RASSF8: variants seen among roughly 807,000 people sequenced by gnomAD.
RASSF8 encodes ras association domain-containing protein 8.
In RASSF8, 22 loss-of-function variants were observed where a neutral mutation model predicts 48.5. That is an observed-to-expected ratio of 0.45 (90% CI 0.32 to 0.65). RASSF8 has a LOEUF of 0.65. Ranked by LOEUF, RASSF8 falls within the 30% of genes least tolerant of loss-of-function variation. The pLI is 0.03. For synonymous variants in RASSF8, 127 were observed against 171.5 expected (o/e 0.74, Z 2.03); for missense variants, 418 against 489.2 (o/e 0.85, Z 1.37).
chr12:26,024,953 C>T (rs547749318), intron 2 of RASSF8, among the ~76,000 whole-genome samples: 3 of 151,118 alleles, frequency 2.0e-5, no homozygotes, highest in Admixed American at 6.6e-5. Context: ...AGCGAGACTC[C>T]GTCTCAAAAA....
intron 1 of RASSF8, among the ~76,000 whole-genome samples, chr12:25,968,709 T>C (rs1300942884): frequency 6.6e-6 from 1 of 152,194 alleles, no homozygotes; most frequent in Non-Finnish European, 1.5e-5. Context: ...AATGAGGATA[T>C]AGCAGAGAGT....
chr12:25,996,942 C>T (rs1279574245), intron 2 of RASSF8, among the ~76,000 whole-genome samples: 1 of 152,116 alleles, frequency 6.6e-6, no homozygotes, highest in African/African-American at 2.4e-5. Flanking sequence ...TATTGCTACA[C>T]TGTAAAACTA....
chr12:26,034,641 G>C (rs17362593), intron 2 of RASSF8, among the ~76,000 whole-genome samples: 14,738 of 152,052 alleles, frequency 0.097, 751 homozygotes, highest in Middle Eastern at 0.16. Flanking sequence ...GACAGGCTAA[G>C]TAACTCCTAT....
intron 3 of RASSF8, among the ~76,000 whole-genome samples, chr12:26,060,613 T>G (rs1209008191): frequency 6.6e-6 from 1 of 152,180 alleles, no homozygotes; most frequent in Admixed American, 6.5e-5. Context: ...AAGTGTAAGT[T>G]CTGTTACAGA....
chr12:26,040,069 T>C (rs1943231922), intron 2 of RASSF8, among the ~76,000 whole-genome samples: 1 of 152,246 alleles, frequency 6.6e-6, no homozygotes, highest in African/African-American at 2.4e-5. Context: ...CAGCGCCATT[T>C]ATTTGAGCAT....
At chr12:26,076,032 G>T (rs1344564690), downstream of RASSF8, among the ~76,000 whole-genome samples, 1 of 152,124 alleles carries the variant, frequency 6.6e-6, no homozygotes, top group African/African-American at 2.4e-5. Context: ...AGGCAAAGTA[G>T]ATTACCTTGT....
At chr12:26,020,210 T>A (rs920496950) in intron 2 of RASSF8, 2 of 152,126 alleles carry the variant, frequency 1.3e-5, no homozygotes, top group Admixed American at 1.3e-4. Context: ...TAGAGTGACG[T>A]GGTCACAAGC....
chr12:25,981,555 G>T (rs558535202), intron 1 of RASSF8, among the ~76,000 whole-genome samples: 22 of 152,194 alleles, frequency 1.4e-4, no homozygotes, highest in African/African-American at 5.3e-4. Context: ...TTATTCTCAG[G>T]GTATGCTTAA....
At chr12:26,019,291 T>C (rs192455467) in intron 2 of RASSF8, among the ~76,000 whole-genome samples, 95 of 152,230 alleles carry the variant, frequency 6.2e-4, no homozygotes, top group Non-Finnish European at 1.2e-3. Context: ...AAAAATAATA[T>C]AGAAGCAATT....
At chr12:26,073,792 T>TTATATA (rs5797161), downstream of RASSF8, among the ~76,000 whole-genome samples, 107,456 of 139,544 alleles carry the variant, frequency 0.77, 40,738 homozygotes, top group African/African-American at 0.81. Flanking sequence ...TATATACACA[T>TTATATA]TATGTATACA....
intron 1 of RASSF8, among the ~76,000 whole-genome samples, chr12:25,993,036 G>A (rs2055179): frequency 5.1e-4 from 77 of 152,278 alleles, no homozygotes; most frequent in East Asian, 4.8e-3. Flanking sequence ...AATCAATGGG[G>A]AGCTGAGGGT....
chr12:26,046,528 A>G (rs184523410), intron 2 of RASSF8, among the ~76,000 whole-genome samples: 1 of 152,208 alleles, frequency 6.6e-6, no homozygotes, highest in Non-Finnish European at 1.5e-5. Flanking sequence ...GATTTAAAAA[A>G]TTTTTTAAAG....
chr12:25,993,423 A>G (rs1461233728), intron 1 of RASSF8, among the ~76,000 whole-genome samples: 1 of 152,206 alleles, frequency 6.6e-6, no homozygotes, highest in African/African-American at 2.4e-5. Context: ...ACACAACTAA[A>G]AAGAGAGATG....
chr12:26,061,789 C>A, intron 3 of RASSF8, among the ~76,000 whole-genome samples: 1 of 152,018 alleles, frequency 6.6e-6, no homozygotes, highest in East Asian at 1.9e-4. Context: ...ATTTAAAACC[C>A]AATTTATATA....
chr12:25,992,164 A>G (rs1259596922), intron 1 of RASSF8, among the ~76,000 whole-genome samples: 1 of 152,232 alleles, frequency 6.6e-6, no homozygotes, highest in Non-Finnish European at 1.5e-5. Context: ...GCCATTCTGT[A>G]AAACCCTCTG....
In RASSF8 at chr12:26,069,360, G is replaced by A. The variant is rs1000401723; in HGVS notation, c.*542G>A. The A allele has an allele frequency of 1.0e-6, 1 of 984,894 alleles. No homozygotes were observed. The highest frequency in any genetic ancestry group is 1.7e-5 in the African/African-American group (1 of 57,230). 61.0% of individuals were successfully genotyped at this position (984,894 alleles called of 1,614,324 possible). A position where few individuals can be genotyped will look rare whatever the true frequency, so the allele number is the denominator to read the frequency against. On this transcript the variant is annotated 3_prime_UTR_variant, in exon 6 of 6. Transcript: ENST00000689635. ...TCCACCATCGAAGCTAACTCCACAG[G>A]AAGCCACTTGCATTTGTTTTGTGAA...
intron 5 of RASSF8, among the ~76,000 whole-genome samples, chr12:26,068,158 A>G (rs1943921252): frequency 6.6e-6 from 1 of 152,152 alleles, no homozygotes; most frequent in African/African-American, 2.4e-5. Context: ...ACACTTAAAA[A>G]TTCTTTTTTT....
intron 1 of RASSF8, among the ~76,000 whole-genome samples, chr12:25,980,075 G>A (rs899239663): frequency 6.6e-6 from 1 of 152,160 alleles, no homozygotes; most frequent in African/African-American, 2.4e-5. Flanking sequence ...TATCCTTAAG[G>A]ACTACTTCCT....
chr12:26,069,059 C>A lies in RASSF8; in HGVS notation c.*241C>A. ...TCCAGCAGCTATAATGCAAAGCCTT[C>A]GTTTTTATTTGTAGCATTTTGAGAG... is the stretch of plus-strand genomic sequence containing the variant. On this transcript the variant is annotated 3_prime_UTR_variant, in exon 6 of 6. Coordinates refer to ENST00000689635, the MANE Select transcript of RASSF8 (RefSeq NM_001394098.1). 8.6e-7 allele frequency: 1 copy of A among 1,159,592 alleles called. No individual in the cohort carries two copies. The highest frequency in any genetic ancestry group is 1.1e-6 in the Non-Finnish European group (1 of 938,124). 71.8% of individuals were successfully genotyped at this position (1,159,592 alleles called of 1,614,324 possible).
Sources: gnomAD v4.1 joint callset for allele counts (sites outside exome capture counted in the v4.1 genomes callset) on GRCh38, gnomAD v4.1.1 for gene constraint, MANE v1.5 for transcripts, NCBI Gene and HGNC (gene_info 2026-07-23, HGNC 2026-07-21) for gene names.